Variants in ZPLD1 observed in about 807,000 individuals in gnomAD.
ZPLD1 encodes zona pellucida like domain containing 1.
In ZPLD1, 34 loss-of-function variants were observed where a neutral mutation model predicts 47.2. That is an observed-to-expected ratio of 0.72 (90% CI 0.55 to 0.96). The LOEUF (loss-of-function observed/expected upper bound fraction) is 0.96, where lower values mean the gene tolerates loss of function less well. Among genes scored for constraint, ZPLD1 ranks in the 40% least tolerant of loss-of-function variants. The pLI is 0.00. For synonymous variants in ZPLD1, 176 were observed against 186.2 expected, an observed-to-expected ratio of 0.95 and a Z score of 0.45; for missense variants, 512 against 505.8, an observed-to-expected ratio of 1.01 and a Z score of -0.12.
chr3:102,407,399 A>ATATG (rs1553708451), intron 7 of ZPLD1, among the ~76,000 whole-genome samples: 3 of 47,116 alleles, frequency 6.4e-5, no homozygotes, highest in African/African-American at 3.2e-4. Context: ...TCAAATATAT[A>ATATG]TATATATATA....
At chr3:102,474,621 A>G (rs1471277343) in intron 10 of ZPLD1, among the ~76,000 whole-genome samples, 1 of 152,142 alleles carries the variant, frequency 6.6e-6, no homozygotes, top group African/African-American at 2.4e-5. Flanking sequence ...CTTTTCTAGT[A>G]CTAAGAGAAA....
Position 102,418,692 on chromosome 3 carries a change from G to T in ZPLD1, c.-9+485G>T, listed in dbSNP as rs150570969. Among the ~76,000 whole-genome samples, 8 of 151,956 alleles carry T rather than the reference G, an allele frequency of 5.3e-5. No individual in the cohort carries two copies. The East Asian group carries it at 1.6e-3, about 30-fold the overall frequency. On this transcript the variant is annotated intron_variant, in intron 8 of 17. Coordinates refer to the ZPLD1 transcript ENST00000491959. ...GTGTATATTTTAGATTTCTTATCAG[G>T]GTTCTATTGCACCAGAGAAGCTGGC...
At chr3:102,441,887 G>T (rs1707184365) in intron 3 of ZPLD1, among the ~76,000 whole-genome samples, 2 of 152,122 alleles carry the variant, frequency 1.3e-5, no homozygotes, top group Admixed American at 6.5e-5. Context: ...AGAGGAAAAA[G>T]TAACTTCTCA....
intron 3 of ZPLD1, among the ~76,000 whole-genome samples, chr3:102,449,890 G>GT (rs1324581071): frequency 6.6e-6 from 1 of 152,102 alleles, no homozygotes; most frequent in African/African-American, 2.4e-5. Flanking sequence ...TGATCACTAT[G>GT]TTTTGAATCC....
chr3:102,466,217 AC>A (rs1289198651), intron 8 of ZPLD1, among the ~76,000 whole-genome samples: 1 of 152,202 alleles, frequency 6.6e-6, no homozygotes, highest in African/African-American at 2.4e-5. Flanking sequence ...AGTCAGCTGC[AC>A]AGTTCTGCTA....
intron 8 of ZPLD1, among the ~76,000 whole-genome samples, chr3:102,427,799 A>G (rs961015376): frequency 6.6e-6 from 1 of 152,222 alleles, no homozygotes; most frequent in Non-Finnish European, 1.5e-5. Flanking sequence ...ATACACAGAC[A>G]ACATGAAGAC....
At chr3:102,389,859 G>A (rs2107283186) in intron 6 of ZPLD1, among the ~76,000 whole-genome samples, 1 of 152,264 alleles carries the variant, frequency 6.6e-6, no homozygotes, top group Non-Finnish European at 1.5e-5. Context: ...TTCTCAGATG[G>A]ATCCTGAGTG....
At chr3:102,410,449 C>T (rs981391587) in intron 7 of ZPLD1, among the ~76,000 whole-genome samples, 1 of 151,512 alleles carries the variant, frequency 6.6e-6, no homozygotes, top group Admixed American at 6.6e-5. Flanking sequence ...ACTAGAACAC[C>T]ATAGAAGTGC....
chr3:102,457,367 T>C (rs1341877144), intron 5 of ZPLD1, among the ~76,000 whole-genome samples: 1 of 152,214 alleles, frequency 6.6e-6, no homozygotes, highest in Non-Finnish European at 1.5e-5. Context: ...TGGAAATTCA[T>C]TGATTATTCA....
chr3:102,421,177 T>C (rs1706873384), intron 8 of ZPLD1, among the ~76,000 whole-genome samples: 1 of 151,934 alleles, frequency 6.6e-6, no homozygotes, highest in Admixed American at 6.6e-5. Flanking sequence ...TATTTGCTCA[T>C]ATGTGCTTAT....
chr3:102,463,393 G>T (rs939657717), intron 7 of ZPLD1, among the ~76,000 whole-genome samples: 2 of 152,142 alleles, frequency 1.3e-5, no homozygotes, highest in Admixed American at 1.3e-4. Context: ...GAAACAAAAA[G>T]CTATTGTTTA....
chr3:102,422,304 G>T (rs1454986475), intron 8 of ZPLD1, among the ~76,000 whole-genome samples: 1 of 151,936 alleles, frequency 6.6e-6, no homozygotes, highest in Admixed American at 6.6e-5. Flanking sequence ...GAGACATTTG[G>T]CAATGTCTGA....
chr3:102,392,619 CATG>C (rs111652645), intron 7 of ZPLD1, among the ~76,000 whole-genome samples: 21,757 of 151,296 alleles, frequency 0.14, 2,040 homozygotes, highest in Middle Eastern at 0.24. Flanking sequence ...GTTCCCCTGC[CATG>C]ATAACTCATT....
At position 102,464,468 on chromosome 3, in the gene ZPLD1, T is replaced by C. The variant is rs116682479; in HGVS notation, c.761+217T>C. ...TGATAAGGCTATTGTTGAATCAGAG[T>C]TCTAAGTAAGTTATGTCCACCAAAG... On this transcript the variant is annotated intron_variant, in intron 8 of 11. Transcript: ENST00000466937. Among the ~76,000 whole-genome samples the C allele has an allele frequency of 6.1e-3, 932 of 152,228 alleles. 9 individuals are homozygous for C. The highest frequency in any genetic ancestry group is 0.021 in the African/African-American group (878 of 41,548).
chr3:102,461,420 A>G (rs1384072706), intron 6 of ZPLD1, among the ~76,000 whole-genome samples: 2 of 152,036 alleles, frequency 1.3e-5, no homozygotes, highest in Middle Eastern at 3.4e-3. Context: ...TCTACTGTGG[A>G]TTTGAGAATG....
At chr3:102,394,596 G>T (rs1240412303) in intron 7 of ZPLD1, among the ~76,000 whole-genome samples, 1 of 152,024 alleles carries the variant, frequency 6.6e-6, no homozygotes, top group Admixed American at 6.6e-5. Context: ...ATTACCCTCA[G>T]CCTCCATATA....
chr3:102,396,841 T>A (rs1475894903), intron 7 of ZPLD1, among the ~76,000 whole-genome samples: 5 of 152,134 alleles, frequency 3.3e-5, no homozygotes, highest in African/African-American at 1.2e-4. Context: ...CATCTGGCAA[T>A]TTCTCTAAAC....
intron 6 of ZPLD1, among the ~76,000 whole-genome samples, chr3:102,388,653 GA>G (rs1188240065): frequency 6.6e-6 from 1 of 151,998 alleles, no homozygotes; most frequent in Non-Finnish European, 1.5e-5. Flanking sequence ...AATACCTTAT[GA>G]TGTTTTGCTA....
At chr3:102,475,556 G>T (rs1244967430) in intron 10 of ZPLD1, among the ~76,000 whole-genome samples, 1 of 152,146 alleles carries the variant, frequency 6.6e-6, no homozygotes, top group Non-Finnish European at 1.5e-5. Context: ...CTTGGGAAAA[G>T]AGCACATGGA....
Sources: gnomAD v4.1 joint callset for allele counts (sites outside exome capture counted in the v4.1 genomes callset) on GRCh38, gnomAD v4.1.1 for gene constraint, MANE v1.5 for transcripts, NCBI Gene and HGNC (gene_info 2026-07-23, HGNC 2026-07-21) for gene names.